DAB1: variants seen among roughly 807,000 people sequenced by gnomAD.
DAB1 encodes the protein disabled homolog 1.
A neutral mutation model predicts 64.6 loss-of-function variants in DAB1; 15 were observed. That is an observed-to-expected ratio of 0.23 (90% CI 0.16 to 0.36). DAB1 has a LOEUF of 0.36. Ranked by LOEUF, DAB1 falls within the 10% of genes least tolerant of loss-of-function variation. DAB1 has a pLI of 1.00. For missense variants in DAB1, 596 were observed against 706.7 expected (o/e 0.84, Z 1.78); for synonymous variants, 235 against 251.9 (o/e 0.93, Z 0.64).
chr1:58,209,528 GA>G (rs1230218376), intron 4 of DAB1, among the ~76,000 whole-genome samples: 15 of 150,802 alleles, frequency 9.9e-5, no homozygotes, highest in African/African-American at 2.9e-4. Flanking sequence ...CGAAAAGCAT[GA>G]AAAAAAAAGC....
chr1:57,291,871 T>A (rs966291117), intron 1 of DAB1, among the ~76,000 whole-genome samples: 1 of 152,162 alleles, frequency 6.6e-6, no homozygotes, highest in Non-Finnish European at 1.5e-5. Flanking sequence ...AACAGAATAA[T>A]GATAATACAA....
chr1:58,281,425 C>T (rs1437700971), intron 4 of DAB1, among the ~76,000 whole-genome samples: 2 of 152,074 alleles, frequency 1.3e-5, no homozygotes, highest in East Asian at 3.9e-4. Flanking sequence ...TACCTCCGAT[C>T]CACCTATATC....
chr1:58,359,502 A>G (rs1471856537), intron 3 of DAB1, among the ~76,000 whole-genome samples: 1 of 152,202 alleles, frequency 6.6e-6, no homozygotes, highest in African/African-American at 2.4e-5. Context: ...ATTCTGGAAC[A>G]TGAAGACCAG....
chr1:57,177,426 T>C (rs1662448744), intron 2 of DAB1, among the ~76,000 whole-genome samples: 1 of 152,100 alleles, frequency 6.6e-6, no homozygotes. Context: ...CCTGAGAAAC[T>C]AGGAGGGTAG....
At chr1:57,303,484 AG>A (rs1673848296) in intron 1 of DAB1, among the ~76,000 whole-genome samples, 1 of 152,266 alleles carries the variant, frequency 6.6e-6, no homozygotes, top group Admixed American at 6.5e-5. Context: ...GATATATAAG[AG>A]GATATGCACA....
chr1:57,133,896 C>T (rs1399609733), intron 4 of DAB1, among the ~76,000 whole-genome samples: 1 of 152,160 alleles, frequency 6.6e-6, no homozygotes, highest in South Asian at 2.1e-4. Flanking sequence ...GAGTCAGTCC[C>T]CTGCTGGGCA....
At chr1:57,096,383 C>G (rs1385125009) in intron 4 of DAB1, among the ~76,000 whole-genome samples, 1 of 152,110 alleles carries the variant, frequency 6.6e-6, no homozygotes, top group Non-Finnish European at 1.5e-5. Context: ...TAGATATCTC[C>G]ACCGCAAGAG....
intron 4 of DAB1, among the ~76,000 whole-genome samples, chr1:58,275,456 T>G (rs956853904): frequency 1.1e-4 from 17 of 152,266 alleles, no homozygotes; most frequent in Middle Eastern, 3.4e-3. Context: ...TCAGAATATA[T>G]AAAGAACTCC....
intron 3 of DAB1, among the ~76,000 whole-genome samples, chr1:58,485,228 TA>T (rs71043289): frequency 0.1 from 4,371 of 41,796 alleles, 72 homozygotes; most frequent in African/African-American, 0.13. Context: ...AGTCTACTAC[TA>T]AAAAAAAAAA....
chr1:57,097,217 A>G (rs1446118588), intron 4 of DAB1, among the ~76,000 whole-genome samples: 1 of 152,224 alleles, frequency 6.6e-6, no homozygotes, highest in African/African-American at 2.4e-5. Context: ...CACCTGATGT[A>G]TATTACCCTG....
intron 5 of DAB1, among the ~76,000 whole-genome samples, chr1:57,958,496 T>C (rs1363946290): frequency 6.6e-6 from 1 of 151,924 alleles, no homozygotes; most frequent in Non-Finnish European, 1.5e-5. Context: ...GGACAGAAAA[T>C]GGGGTGCAAA....
At chr1:58,275,342 A>G (rs486262) in intron 4 of DAB1, among the ~76,000 whole-genome samples, 101,025 of 152,080 alleles carry the variant, frequency 0.66, 34,605 homozygotes, top group East Asian at 0.87. Context: ...GACTACATCA[A>G]AATTAAAACT....
chr1:57,932,388 A>G (rs148655726), intron 5 of DAB1, among the ~76,000 whole-genome samples: 1 of 152,038 alleles, frequency 6.6e-6, no homozygotes, highest in African/African-American at 2.4e-5. Context: ...CTATGTTCTT[A>G]CTAAATTTTT....
In DAB1 at chr1:57,987,871, G is replaced by A. The variant is rs550517279; in HGVS notation, n.388-103709C>T. Among the ~76,000 whole-genome samples, 15 of 151,932 alleles carry A rather than the reference G, an allele frequency of 9.9e-5. No homozygotes were observed. In the East Asian group the frequency reaches 2.9e-3, roughly 29 times the overall value. ...TGTTTTTTTTTTCAGGAAAACACTG[G>A]TCGGTTACTAATGGAGAAGAAGAAA... On this transcript the variant is annotated intron_variant and non_coding_transcript_variant, in intron 5 of 20. Transcript: ENST00000485760.
intron 7 of DAB1, among the ~76,000 whole-genome samples, chr1:57,557,046 C>G (rs1240767039): frequency 6.6e-6 from 1 of 152,080 alleles, no homozygotes; most frequent in African/African-American, 2.4e-5. Context: ...TAATGAGTGT[C>G]AACTTGATTG....
chr1:57,931,299 T>C (rs1381249308), intron 5 of DAB1, among the ~76,000 whole-genome samples: 1 of 152,196 alleles, frequency 6.6e-6, no homozygotes, highest in South Asian at 2.1e-4. Context: ...TCATGAGTGA[T>C]ATTGGTCTAT....
chr1:57,511,446 T>C (rs947772770), intron 7 of DAB1, among the ~76,000 whole-genome samples: 1 of 152,212 alleles, frequency 6.6e-6, no homozygotes, highest in Non-Finnish European at 1.5e-5. Context: ...ATGACTGCCT[T>C]ATTCTATCCT....
chr1:57,515,882 A>C (rs1321048245), intron 7 of DAB1, among the ~76,000 whole-genome samples: 1 of 152,198 alleles, frequency 6.6e-6, no homozygotes, highest in Non-Finnish European at 1.5e-5. Context: ...TAGATTTCCT[A>C]CCAGAAAGTA....
chr1:57,181,242 G>C (rs1359264754), intron 2 of DAB1, among the ~76,000 whole-genome samples: 5 of 152,066 alleles, frequency 3.3e-5, no homozygotes, highest in African/African-American at 9.7e-5. Flanking sequence ...CCACAGTCCA[G>C]GTTTCAGTAG....
Sources: gnomAD v4.1 joint callset for allele counts (sites outside exome capture counted in the v4.1 genomes callset) on GRCh38, gnomAD v4.1.1 for gene constraint, MANE v1.5 for transcripts, NCBI Gene and HGNC (gene_info 2026-07-23, HGNC 2026-07-21) for gene names.